SEMA3B: variants seen among roughly 807,000 people sequenced by gnomAD.
SEMA3B encodes semaphorin 3B, also known as semaphorin-3B.
Under a neutral mutation model 77.8 loss-of-function variants are expected in SEMA3B, and 71 were observed. The observed-to-expected ratio is 0.91, with a 90% CI of 0.75 to 1.11. The LOEUF (loss-of-function observed/expected upper bound fraction) is 1.11, where lower values mean the gene tolerates loss of function less well. Ranked by LOEUF, SEMA3B falls within the 50% of genes most tolerant of loss-of-function variation. SEMA3B has a pLI of 0.00. For missense variants in SEMA3B, 968 were observed against 1,056.8 expected, an observed-to-expected ratio of 0.92 and a Z score of 1.17; for synonymous variants, 470 against 452.9, an observed-to-expected ratio of 1.04 and a Z score of -0.48.
Position 50,273,930 on chromosome 3 carries a change from C to T in SEMA3B, c.1010C>T (p.Ser337Phe), listed in dbSNP as rs1184563892. Residue 337 changes from serine (S) to phenylalanine (F), a missense_variant, in exon 10 of 17, where the codon TCT becomes TTT. Physicochemically the swap from Ser to Phe is radical, Grantham distance 155. Coordinates refer to ENST00000616701, the MANE Select transcript of SEMA3B (RefSeq NM_001290060.2). This position sits in a 1 kb window ranked among gnomAD's most constrained non-coding sequence, Gnocchi z 6.5. ...GCCTCCAGCAGCATCTTCCAGGGCT[C>T]TGCGGTGTGCGTGTACAGCATGAAC... ...FSTSSSIFQG[S>F]AVCVYSMNDV... is the part of the protein sequence containing the mutation. 2 of 1,611,202 alleles carry T rather than the reference C, an allele frequency of 1.2e-6. No individual in the cohort carries two copies. Among genetic ancestry groups the T allele is most frequent in the Non-Finnish European group, 1.7e-6 (2 of 1,178,046 alleles).
chr3:50,264,591 G>A (rs1363153022), upstream of SEMA3B, among the ~76,000 whole-genome samples: 1 of 152,168 alleles, frequency 6.6e-6, no homozygotes, highest in Admixed American at 6.5e-5. Context: ...CCCTCCCCCA[G>A]AGCATTCAGA....
upstream of SEMA3B, among the ~76,000 whole-genome samples, chr3:50,268,068 G>C (rs1379154567): frequency 2.0e-5 from 3 of 152,196 alleles, no homozygotes; most frequent in Non-Finnish European, 2.9e-5. Flanking sequence ...CAAGGGGTGA[G>C]AGAAGTGAAG....
At position 50,273,599 on chromosome 3, in the gene SEMA3B, T is replaced by A. The variant is rs782676837; in HGVS notation, c.875T>A (p.Val292Glu). Reference sequence around the variant, plus strand: ...ACGACGTTCCTGAAGGCGCGGCTGGTGTGCTCGGTGCCCGGCGTCGAGGGC... The same window carrying A: ...ACGACGTTCCTGAAGGCGCGGCTGGAGTGCTCGGTGCCCGGCGTCGAGGGC... ...KWTTFLKARL[V>E]CSVPGVEGDT... The change falls in exon 8 of 17, where the codon GTG (valine) becomes GAG (glutamate). Residue 292 changes from valine (V) to glutamate (E), a missense_variant. Coordinates refer to ENST00000616701, the MANE Select transcript of SEMA3B (RefSeq NM_001290060.2). This position sits in a 1 kb window ranked among gnomAD's most constrained non-coding sequence, Gnocchi z 6.5. The A allele has an allele frequency of 2.5e-6, 4 of 1,612,472 alleles. No homozygotes were observed. In the Admixed American group the frequency reaches 5.0e-5, roughly 20 times the overall value.
Position 50,271,453 on chromosome 3 carries a change from G to C in SEMA3B, c.637G>C (p.Glu213Gln). ...SLGQRPSLRTEPHDSRWLNEP... is the reference protein window; with the variant it reads ...SLGQRPSLRTQPHDSRWLNEP... ...AGGGCAACGTCCAAGTCTCCGAACA[G>C]AGCCACACGACTCCCGCTGGCTCAA... The change falls in exon 6 of 17, where the codon GAG becomes CAG. Residue 213 changes from glutamate (E) to glutamine (Q), a missense_variant. Glu to Gln is a conservative substitution (Grantham distance 29). Coordinates refer to ENST00000616701, the MANE Select transcript of SEMA3B (RefSeq NM_001290060.2). 3.2e-6 allele frequency: 5 copies of C among 1,574,672 alleles called. No individual in the cohort carries two copies. The highest frequency in any genetic ancestry group is 4.3e-6 in the Non-Finnish European group (5 of 1,160,248).
Position 50,274,551 on chromosome 3 carries a change from C to T in SEMA3B, c.1326C>T (p.Asp442=). 1 of 1,557,052 alleles carries T rather than the reference C, an allele frequency of 6.4e-7. No individual in the cohort carries two copies. Among genetic ancestry groups the T allele is most frequent in the Non-Finnish European group, 8.7e-7 (1 of 1,152,642 alleles). The change falls in exon 11 of 17, where the codon GAC becomes GAT. Residue 442 remains aspartate, a synonymous_variant. Transcript: ENST00000616701. This position sits in a 1 kb window ranked among gnomAD's most constrained non-coding sequence, Gnocchi z 4.7. ...QIAADRVAAA[D]GHYDVLFIGT... ...CCGCGGACCGGGTTGCAGCCGCTGA[C>T]GGACACTATGACGTCCTCTTCATTG... is the stretch of plus-strand genomic sequence containing the variant.
chr3:50,266,939 C>G (rs1553704568), upstream of SEMA3B: 1 of 152,336 alleles, frequency 6.6e-6, no homozygotes, highest in Non-Finnish European at 1.5e-5. Context: ...CCCCCAACCT[C>G]TCAGCAGAGA....
At chr3:50,263,729 G>A (rs1045563115), upstream of SEMA3B, among the ~76,000 whole-genome samples, 67 of 152,014 alleles carry the variant, frequency 4.4e-4, no homozygotes, top group African/African-American at 1.5e-3. Flanking sequence ...AAAAGGTAGG[G>A]GCTCTCAGGA....
In SEMA3B at chr3:50,276,814, C is replaced by T. The variant is rs145373059; in HGVS notation, c.*108C>T. 1,254 of 1,302,638 alleles carry T rather than the reference C, an allele frequency of 9.6e-4. 10 individuals are homozygous for T. The African/African-American group carries it at 0.013, about 14-fold the overall frequency. 80.7% of individuals were successfully genotyped at this position (1,302,638 alleles called of 1,614,324 possible). On this transcript the variant is annotated 3_prime_UTR_variant, in exon 17 of 17. Coordinates refer to ENST00000616701, the MANE Select transcript of SEMA3B (RefSeq NM_001290060.2). The surrounding 1 kb of genome is among the most constrained non-coding windows in gnomAD (Gnocchi z 5.8). ...TGGGGCCGGGCACATTGGGGGTCAC[C>T]GGCCGATGGAGACACCAACCGACAG...
intron 6 of SEMA3B, among the ~76,000 whole-genome samples, chr3:50,272,643 G>A (rs587611371): frequency 1.3e-5 from 2 of 151,942 alleles, no homozygotes; most frequent in Admixed American, 6.5e-5. Context: ...CCTAGGAGGC[G>A]GAGGTTGCAG....
chr3:50,271,481 G>T lies in SEMA3B; in HGVS notation c.664+1G>T, dbSNP rs1316163372. 1 of 1,559,852 alleles carries T rather than the reference G, an allele frequency of 6.4e-7. No individual in the cohort carries two copies. Among genetic ancestry groups the T allele is most frequent in the Non-Finnish European group, 8.7e-7 (1 of 1,151,902 alleles). On this transcript the variant is annotated splice_donor_variant, in intron 6 of 16. Transcript: ENST00000616701. LOFTEE classifies it high-confidence loss of function. Reference sequence around the variant, plus strand: ...CCACACGACTCCCGCTGGCTCAATGGTGAGAGGCTGGTGGGGTTGGTGGGT... The same window carrying T: ...CCACACGACTCCCGCTGGCTCAATGTTGAGAGGCTGGTGGGGTTGGTGGGT...
At chr3:50,268,846 C>T (rs1700968343), upstream of SEMA3B, 2 of 210,090 alleles carry the variant, frequency 9.5e-6, no homozygotes, top group African/African-American at 2.4e-5. Context: ...TCCCAGTATC[C>T]CTCCTCCCAG....
In SEMA3B at chr3:50,275,047, C is replaced by T. The variant is rs373553819; in HGVS notation, c.1485C>T (p.Ser495=). ...SAAVTSMQIS[S]KRHQLYVASR... is the part of the protein sequence containing the mutation. ...CTGTCACCAGCATGCAAATTTCTTC[C>T]AAGAGGGTGAGTGACCAGGATGGGG... The change falls in exon 13 of 17, where the codon TCC becomes TCT. Residue 495 remains serine, a synonymous_variant. Transcript: ENST00000616701. This position sits in a 1 kb window ranked among gnomAD's most constrained non-coding sequence, Gnocchi z 7.5. The T allele has an allele frequency of 1.3e-6, 2 of 1,586,786 alleles. No homozygotes were observed. Among genetic ancestry groups the T allele is most frequent in the South Asian group, 1.1e-5 (1 of 87,660 alleles).
At position 50,275,047 on chromosome 3, in the gene SEMA3B, C is replaced by A. The variant is rs373553819; in HGVS notation, c.1485C>A (p.Ser495=). ...SAAVTSMQIS[S]KRHQLYVASR... ...CTGTCACCAGCATGCAAATTTCTTC[C>A]AAGAGGGTGAGTGACCAGGATGGGG... The change falls in exon 13 of 17, where the codon TCC becomes TCA. Residue 495 remains serine (S), a synonymous_variant. Coordinates refer to ENST00000616701, the MANE Select transcript of SEMA3B (RefSeq NM_001290060.2). The surrounding 1 kb of genome is among the most constrained non-coding windows in gnomAD (Gnocchi z 7.5). The A allele has an allele frequency of 1.3e-5, 21 of 1,586,668 alleles. No homozygotes were observed. In the African/African-American group the frequency reaches 2.1e-4, roughly 16 times the overall value.
Position 50,275,009 on chromosome 3 carries a change from C to T in SEMA3B, c.1450-3C>T, listed in dbSNP as rs1553706234. 3.1e-6 allele frequency: 5 copies of T among 1,594,142 alleles called. No homozygotes were observed. Among genetic ancestry groups the T allele is most frequent in the Middle Eastern group, 1.7e-4 (1 of 5,724 alleles). On this transcript the variant is annotated splice_polypyrimidine_tract_variant and splice_region_variant and intron_variant, in intron 12 of 16. Transcript: ENST00000616701. This position sits in a 1 kb window ranked among gnomAD's most constrained non-coding sequence, Gnocchi z 7.5. ...TGACCCCGTCGCCCCTCCTCCCTCT[C>T]AGGACTCGGCCGCTGTCACCAGCAT...
chr3:50,270,774 G>A lies in SEMA3B; in HGVS notation c.331-116G>A. 1 of 1,484,084 alleles carries A rather than the reference G, an allele frequency of 6.7e-7. No homozygotes were observed. 91.9% of individuals were successfully genotyped at this position (1,484,084 alleles called of 1,614,324 possible). On this transcript the variant is annotated intron_variant, in intron 3 of 16. Coordinates refer to ENST00000616701, the MANE Select transcript of SEMA3B (RefSeq NM_001290060.2). This position sits in a 1 kb window ranked among gnomAD's most constrained non-coding sequence, Gnocchi z 4.7. ...GGGCCCCCAGGTCCCTGTAGCCCAT[G>A]TTAGTACTTGCCTGGGCTGATGCCG...
At chr3:50,272,851 A>C (rs1553705584) in intron 6 of SEMA3B, among the ~76,000 whole-genome samples, 1 of 146,258 alleles carries the variant, frequency 6.8e-6, no homozygotes, top group African/African-American at 2.5e-5. Flanking sequence ...ATAAATAAAT[A>C]AACAAATAAT....
chr3:50,269,198 C>A lies in SEMA3B; in HGVS notation c.-43C>A. On this transcript the variant is annotated 5_prime_UTR_variant, in exon 1 of 17. Coordinates refer to ENST00000616701, the MANE Select transcript of SEMA3B (RefSeq NM_001290060.2). This position sits in a 1 kb window ranked among gnomAD's most constrained non-coding sequence, Gnocchi z 4.0. Reference sequence around the variant, plus strand: ...AGTCCAGGGCAGCTCAAGGCTCCTCCACACACACACCCGCTGAACCCTGAG... The same window carrying A: ...AGTCCAGGGCAGCTCAAGGCTCCTCAACACACACACCCGCTGAACCCTGAG... The A allele has an allele frequency of 7.2e-7, 1 of 1,391,634 alleles. No homozygotes were observed. The highest frequency in any genetic ancestry group is 9.8e-7 in the Non-Finnish European group (1 of 1,015,592). The allele number at this position is 1,391,634 out of a possible 1,614,324, so 86.2% of individuals were successfully genotyped here.
Position 50,270,362 on chromosome 3 carries a change from G to A in SEMA3B, c.268-71G>A. 2.5e-6 allele frequency: 4 copies of A among 1,609,942 alleles called. No individual in the cohort carries two copies. The highest frequency in any genetic ancestry group is 3.4e-6 in the Non-Finnish European group (4 of 1,176,736). On this transcript the variant is annotated intron_variant, in intron 2 of 16. Transcript: ENST00000616701. The surrounding 1 kb of genome is among the most constrained non-coding windows in gnomAD (Gnocchi z 4.7). ...CACTCCAGCCTGGAGAGACCCAGAG[G>A]AATGGCTCCCTGAGGTAGAGAATAT...
intron 6 of SEMA3B, among the ~76,000 whole-genome samples, chr3:50,272,855 A>AAATAATAATAATAGTAAT (rs1553705596): frequency 6.9e-6 from 1 of 145,576 alleles, no homozygotes; most frequent in African/African-American, 2.5e-5. Flanking sequence ...ATAAATAAAC[A>AAATAATAATAATAGTAAT]AATAATAATA....
Sources: allele counts gnomAD v4.1 joint callset (sites outside exome capture counted in the v4.1 genomes callset), GRCh38; gene constraint gnomAD v4.1.1; non-coding constraint Gnocchi (gnomAD v3.1); transcripts MANE v1.5; gene names NCBI Gene and HGNC (gene_info 2026-07-23, HGNC 2026-07-21).